The following PRKG1 variants were observed in gnomAD, a reference collection of about 807,000 sequenced individuals.
The protein encoded by PRKG1 is cGMP-dependent protein kinase 1.
A neutral mutation model predicts 88.1 loss-of-function variants in PRKG1; 35 were observed. That is an observed-to-expected ratio of 0.40 (90% CI 0.30 to 0.53). The LOEUF is 0.53. Ranked by LOEUF, PRKG1 falls within the 20% of genes least tolerant of loss-of-function variation. PRKG1 has a pLI of 0.59. For synonymous variants in PRKG1, 303 were observed against 292.5 expected, an observed-to-expected ratio of 1.04 and a Z score of -0.37; for missense variants, 540 against 839.8, an observed-to-expected ratio of 0.64 and a Z score of 4.41.
chr10:51,998,923 A>G (rs1358978041), intron 5 of PRKG1, among the ~76,000 whole-genome samples: 1 of 152,170 alleles, frequency 6.6e-6, no homozygotes, highest in African/African-American at 2.4e-5. Flanking sequence ...GGAACCCCAG[A>G]GCAATAAGCA....
At chr10:51,137,810 T>C (rs1469675783) in intron 1 of PRKG1, among the ~76,000 whole-genome samples, 1 of 152,178 alleles carries the variant, frequency 6.6e-6, no homozygotes, top group Non-Finnish European at 1.5e-5. Context: ...AATCATTTCA[T>C]ATTAGATGGG....
chr10:51,440,219 A>G (rs1252676145), intron 2 of PRKG1, among the ~76,000 whole-genome samples: 12 of 151,670 alleles, frequency 7.9e-5, no homozygotes, highest in Non-Finnish European at 7.4e-5. Context: ...TTTAAGTAAA[A>G]TCCTATAAAA....
chr10:52,162,044 C>A, intron 9 of PRKG1, 81 bp downstream of exon 9: 1 of 1,161,276 alleles, frequency 8.6e-7, no homozygotes, highest in Non-Finnish European at 1.3e-6. Context: ...GGACTTGACA[C>A]ATCCCAACAC....
At chr10:51,896,639 G>A (rs1841853555) in intron 4 of PRKG1, among the ~76,000 whole-genome samples, 1 of 102,914 alleles carries the variant, frequency 9.7e-6, no homozygotes. Flanking sequence ...GCGAGACCCT[G>A]TCTCTTAAAA....
intron 7 of PRKG1, among the ~76,000 whole-genome samples, chr10:52,102,039 C>T (rs770431756): frequency 5.3e-5 from 8 of 152,116 alleles, no homozygotes; most frequent in East Asian, 1.9e-4. Context: ...AAAAGATAAA[C>T]ATCAGCTGAC....
chr10:50,991,259 T>C lies in PRKG1; in HGVS notation c.-120T>C. 1 of 1,385,756 alleles carries C rather than the reference T, an allele frequency of 7.2e-7. No individual in the cohort carries two copies. Among genetic ancestry groups the C allele is most frequent in the Non-Finnish European group, 9.5e-7 (1 of 1,050,914 alleles). 85.8% of individuals were successfully genotyped at this position (1,385,756 alleles called of 1,614,324 possible). ...GCGCACTCCGCCGCGCTCGAGTACT[T>C]AGCGCCCATTCACTCGCTCACCCGC... On this transcript the variant is annotated 5_prime_UTR_variant, in exon 1 of 18. Transcript: ENST00000401604. This position sits in a 1 kb window ranked among gnomAD's most constrained non-coding sequence, Gnocchi z 4.5.
chr10:52,244,535 A>AG (rs1327149689), intron 9 of PRKG1, among the ~76,000 whole-genome samples: 2 of 142,600 alleles, frequency 1.4e-5, no homozygotes, highest in African/African-American at 2.5e-5. Context: ...AAAAGTTGCA[A>AG]TGAGGCAACA....
At chr10:51,505,213 G>A (rs532172183) in intron 3 of PRKG1, among the ~76,000 whole-genome samples, 128 of 152,202 alleles carry the variant, frequency 8.4e-4, no homozygotes, top group African/African-American at 2.9e-3. Context: ...GGCCTTTTCT[G>A]CATCTATTGA....
chr10:51,306,245 C>G (rs1841033639), intron 2 of PRKG1, among the ~76,000 whole-genome samples: 1 of 152,130 alleles, frequency 6.6e-6, no homozygotes, highest in Non-Finnish European at 1.5e-5. Context: ...GGCATTTGTA[C>G]CCAAATTTCA....
intron 4 of PRKG1, among the ~76,000 whole-genome samples, chr10:51,883,082 T>C (rs911442976): frequency 3.3e-5 from 5 of 152,238 alleles, no homozygotes; most frequent in Admixed American, 6.5e-5. Context: ...GTTGAGGACC[T>C]GAATAGAACA....
At chr10:51,135,264 G>A (rs1172619302) in intron 1 of PRKG1, among the ~76,000 whole-genome samples, 6 of 152,124 alleles carry the variant, frequency 3.9e-5, no homozygotes, top group African/African-American at 1.4e-4. Flanking sequence ...AGCAAGATCT[G>A]GGAAAACCTT....
intron 2 of PRKG1, among the ~76,000 whole-genome samples, chr10:51,402,985 A>G (rs554689982): frequency 4.8e-4 from 73 of 152,348 alleles, no homozygotes; most frequent in African/African-American, 1.7e-3. Flanking sequence ...ACTACTACAC[A>G]CAAAGCAAAT....
chr10:51,139,221 A>G (rs1355314052), intron 1 of PRKG1, among the ~76,000 whole-genome samples: 2 of 152,114 alleles, frequency 1.3e-5, no homozygotes, highest in East Asian at 3.9e-4. Context: ...ACCATGATAA[A>G]CGCATTTTTA....
intron 4 of PRKG1, among the ~76,000 whole-genome samples, chr10:51,841,672 A>G (rs1436012798): frequency 6.6e-6 from 1 of 151,756 alleles, no homozygotes; most frequent in African/African-American, 2.4e-5. Context: ...AGACCAAAAT[A>G]TGGTTTTTAT....
intron 1 of PRKG1, among the ~76,000 whole-genome samples, chr10:51,077,025 C>T (rs926889114): frequency 2.6e-5 from 4 of 152,072 alleles, no homozygotes; most frequent in Non-Finnish European, 2.9e-5. Flanking sequence ...TCTTTTTTCA[C>T]ACTTACATAA....
chr10:51,301,238 A>T (rs747377709), intron 2 of PRKG1, among the ~76,000 whole-genome samples: 2 of 152,116 alleles, frequency 1.3e-5, no homozygotes, highest in Non-Finnish European at 2.9e-5. Context: ...CATTTTACTG[A>T]CCCTTCCTTA....
chr10:51,989,777 T>A (rs1238265484), intron 5 of PRKG1, among the ~76,000 whole-genome samples: 2 of 151,956 alleles, frequency 1.3e-5, no homozygotes, highest in African/African-American at 2.4e-5. Flanking sequence ...CTTTAAGGAG[T>A]AACTTTTTTT....
At chr10:52,044,789 G>A (rs1290988975) in intron 5 of PRKG1, among the ~76,000 whole-genome samples, 2 of 152,092 alleles carry the variant, frequency 1.3e-5, no homozygotes, top group Non-Finnish European at 2.9e-5. Flanking sequence ...ATAGAACAAG[G>A]GACACAGCAG....
chr10:52,047,675 ATGG>A (rs760755786), intron 5 of PRKG1, among the ~76,000 whole-genome samples: 5 of 152,104 alleles, frequency 3.3e-5, no homozygotes, highest in Non-Finnish European at 5.9e-5. Flanking sequence ...CCTTACTAGC[ATGG>A]TTTTTGATTA....
Sources: allele counts gnomAD v4.1 joint callset (sites outside exome capture counted in the v4.1 genomes callset), GRCh38; gene constraint gnomAD v4.1.1; non-coding constraint Gnocchi (gnomAD v3.1); transcripts MANE v1.5; gene names NCBI Gene and HGNC (gene_info 2026-07-23, HGNC 2026-07-21).